MDGA2: variants seen among roughly 807,000 people sequenced by gnomAD.
The protein encoded by MDGA2 is MAM domain-containing glycosylphosphatidylinositol anchor protein 2.
A neutral mutation model predicts 117.8 loss-of-function variants in MDGA2; 40 were observed. The observed-to-expected ratio is 0.34, with a 90% CI of 0.26 to 0.44. MDGA2 has a LOEUF of 0.44. Among genes scored for constraint, MDGA2 ranks in the 20% least tolerant of loss-of-function variants. The pLI, the probability that MDGA2 is intolerant of heterozygous loss-of-function variation, is 1.00. For missense variants in MDGA2, 1,123 were observed against 1,250.6 expected (o/e 0.90, Z 1.54); for synonymous variants, 452 against 439.0 (o/e 1.03, Z -0.37).
At chr14:47,112,202 A>G (rs1425583637) in intron 5 of MDGA2, among the ~76,000 whole-genome samples, 1 of 152,176 alleles carries the variant, frequency 6.6e-6, no homozygotes, top group African/African-American at 2.4e-5. Context: ...AAAAAGGGAG[A>G]CAGAATGAGA....
intron 10 of MDGA2, among the ~76,000 whole-genome samples, chr14:46,896,618 G>A (rs1326279581): frequency 6.6e-6 from 1 of 151,970 alleles, no homozygotes; most frequent in Non-Finnish European, 1.5e-5. Flanking sequence ...ACATGAGCAT[G>A]AGGATGTTAT....
intron 7 of MDGA2, chr14:47,058,483 G>T: frequency 1.0e-6 from 1 of 972,928 alleles, no homozygotes; most frequent in African/African-American, 1.8e-5. Flanking sequence ...AATTTCCTCA[G>T]TATCCTCCAG....
intron 15 of MDGA2, among the ~76,000 whole-genome samples, chr14:46,846,137 A>T (rs539925811): frequency 2.3e-4 from 31 of 136,658 alleles, no homozygotes; most frequent in Admixed American, 4.8e-4. Flanking sequence ...TAATACAATT[A>T]AAAAAAATGA....
intron 1 of MDGA2, among the ~76,000 whole-genome samples, chr14:47,660,273 G>T (rs949054961): frequency 6.6e-6 from 1 of 152,142 alleles, no homozygotes; most frequent in African/African-American, 2.4e-5. Context: ...AATGCATGGC[G>T]CTACAGCTGA....
chr14:47,398,112 G>A (rs1272760733), intron 1 of MDGA2, among the ~76,000 whole-genome samples: 1 of 152,080 alleles, frequency 6.6e-6, no homozygotes, highest in African/African-American at 2.4e-5. Context: ...TTGGTGTCTG[G>A]TCCAGGTATC....
At chr14:46,937,190 C>A (rs1434832404) in intron 9 of MDGA2, among the ~76,000 whole-genome samples, 1 of 151,734 alleles carries the variant, frequency 6.6e-6, no homozygotes, top group Non-Finnish European at 1.5e-5. Flanking sequence ...ATGCCATTTA[C>A]AACAGGCACA....
chr14:46,914,212 G>A (rs1215179713), intron 10 of MDGA2, among the ~76,000 whole-genome samples: 1 of 152,038 alleles, frequency 6.6e-6, no homozygotes, highest in African/African-American at 2.4e-5. Context: ...AAGGAAAGTA[G>A]ATATTCAAAT....
At chr14:47,083,909 A>T (rs1182506400) in intron 6 of MDGA2, among the ~76,000 whole-genome samples, 1 of 152,080 alleles carries the variant, frequency 6.6e-6, no homozygotes, top group Non-Finnish European at 1.5e-5. Context: ...CCCCTCCAAA[A>T]AAAAGCAGAA....
rs3040345 is a variant in MDGA2 at position 47,609,428 on chromosome 14, CATATATATATATATATAT to C, written c.280+65071_280+65088del. ...TTTCTATGGCTGAGTAGTATTCCAT[CATATATATATATATATAT>C]ATATATATATATATATATAAGTTTC... On this transcript the variant is annotated intron_variant, in intron 1 of 16. Transcript: ENST00000399232. Among the ~76,000 whole-genome samples, 73 of 17,564 alleles carry C rather than the reference CATATATATATATATATAT, an allele frequency of 4.2e-3. 7 individuals are homozygous for C. Among genetic ancestry groups the C allele is most frequent in the South Asian group, 0.03 (8 of 264 alleles). 11.5% of individuals were successfully genotyped at this position (17,564 alleles called of 152,430 possible). A position where few individuals can be genotyped will look rare whatever the true frequency, so the allele number is the denominator to read the frequency against.
At position 47,127,340 on chromosome 14, in the gene MDGA2, C is replaced by T. The variant is rs77155609; in HGVS notation, c.925+4374G>A. Among the ~76,000 whole-genome samples, 25 of 152,178 alleles carry T rather than the reference C, an allele frequency of 1.6e-4. No homozygotes were observed. The East Asian group carries it at 4.6e-3, about 28-fold the overall frequency. ...CATGCAATTACTTGTAGTTTACAGACTCATTTGCATGAGGATGTTCTAAGC... is the reference window on the plus strand; with the variant it reads ...CATGCAATTACTTGTAGTTTACAGATTCATTTGCATGAGGATGTTCTAAGC... On this transcript the variant is annotated intron_variant, in intron 5 of 16. Transcript: ENST00000399232.
At chr14:46,869,615 C>G (rs1462644020) in intron 14 of MDGA2, among the ~76,000 whole-genome samples, 1 of 151,822 alleles carries the variant, frequency 6.6e-6, no homozygotes, top group Non-Finnish European at 1.5e-5. Context: ...TCAACTCAAC[C>G]TAGGTCCTAG....
intron 1 of MDGA2, among the ~76,000 whole-genome samples, chr14:47,501,646 T>A (rs2138673675): frequency 6.6e-6 from 1 of 152,274 alleles, no homozygotes; most frequent in East Asian, 1.9e-4. Flanking sequence ...TGGGCCTTTA[T>A]CCAGTATGAC....
intron 2 of MDGA2, among the ~76,000 whole-genome samples, chr14:47,292,458 C>A (rs1200294997): frequency 6.6e-6 from 1 of 152,082 alleles, no homozygotes; most frequent in African/African-American, 2.4e-5. Context: ...GCTAGAACTC[C>A]ATTTATCGCT....
chr14:47,303,795 A>T (rs773515634), intron 1 of MDGA2, among the ~76,000 whole-genome samples: 1 of 152,122 alleles, frequency 6.6e-6, no homozygotes, highest in Non-Finnish European at 1.5e-5. Flanking sequence ...TAGTGACATG[A>T]CATCCTTTCC....
chr14:47,484,638 TC>T (rs1215193606), intron 1 of MDGA2, among the ~76,000 whole-genome samples: 1 of 152,166 alleles, frequency 6.6e-6, no homozygotes. Flanking sequence ...TGCATCTCTG[TC>T]CCCACCTAAA....
At chr14:46,848,157 TAC>T (rs1045340601) in intron 15 of MDGA2, among the ~76,000 whole-genome samples, 1 of 152,004 alleles carries the variant, frequency 6.6e-6, no homozygotes, top group Non-Finnish European at 1.5e-5. Flanking sequence ...ACTTGAAATT[TAC>T]ACAGATAAAG....
chr14:47,546,363 G>C (rs1434556633), intron 1 of MDGA2, among the ~76,000 whole-genome samples: 4 of 152,060 alleles, frequency 2.6e-5, no homozygotes, highest in African/African-American at 2.4e-5. Flanking sequence ...GGTTGCTCTG[G>C]GGAAAGATTA....
At chr14:47,175,876 G>T (rs543102179) in intron 3 of MDGA2, among the ~76,000 whole-genome samples, 115 of 152,026 alleles carry the variant, frequency 7.6e-4, no homozygotes, top group Non-Finnish European at 1.4e-3. Flanking sequence ...GTTTGCAGAC[G>T]ACATGATTGT....
At chr14:47,612,221 T>TAGATAGATAGAC (rs1896862423) in intron 1 of MDGA2, among the ~76,000 whole-genome samples, 2 of 151,254 alleles carry the variant, frequency 1.3e-5, no homozygotes, top group African/African-American at 4.9e-5. Flanking sequence ...GATAGATAGA[T>TAGATAGATAGAC]AGATAGATAG....
Sources: gnomAD v4.1 joint callset for allele counts (sites outside exome capture counted in the v4.1 genomes callset) on GRCh38, gnomAD v4.1.1 for gene constraint, MANE v1.5 for transcripts, NCBI Gene and HGNC (gene_info 2026-07-23, HGNC 2026-07-21) for gene names.